The following PHF20L1 variants were observed in gnomAD, a reference collection of about 807,000 sequenced individuals.
PHF20L1 encodes PHD finger protein 20 like 1.
A neutral mutation model predicts 125.5 loss-of-function variants in PHF20L1; 44 were observed. The ratio of observed to expected loss-of-function variants is 0.35; its 90% CI spans 0.28 to 0.45. The LOEUF is 0.45. Ranked by LOEUF, PHF20L1 falls within the 20% of genes least tolerant of loss-of-function variation. The pLI, the probability that PHF20L1 is intolerant of heterozygous loss-of-function variation, is 1.00. For missense variants in PHF20L1, 1,012 were observed against 1,217.2 expected, an observed-to-expected ratio of 0.83 and a Z score of 2.51; for synonymous variants, 380 against 403.1, an observed-to-expected ratio of 0.94 and a Z score of 0.69.
chr8:132,795,827 TAATAA>T (rs1370270022), intron 4 of PHF20L1, among the ~76,000 whole-genome samples: 7 of 152,074 alleles, frequency 4.6e-5, no homozygotes, highest in Admixed American at 1.3e-4. Context: ...AAGTTAACAA[TAATAA>T]AATAGAATAA....
At chr8:132,821,087 G>A (rs190576932) in intron 12 of PHF20L1, among the ~76,000 whole-genome samples, 17 of 152,040 alleles carry the variant, frequency 1.1e-4, no homozygotes, top group Admixed American at 1.1e-3. Flanking sequence ...TGTAACGTCA[G>A]GATGTCCATG....
At chr8:132,817,913 G>C (rs1252530408) in intron 12 of PHF20L1, 1 of 159,932 alleles carries the variant, frequency 6.3e-6, no homozygotes, top group Non-Finnish European at 1.4e-5. Context: ...TTGGTTTAAG[G>C]ATTTTGATAG....
intron 2 of PHF20L1, among the ~76,000 whole-genome samples, chr8:132,792,501 A>T (rs1774418173): frequency 6.6e-6 from 1 of 152,184 alleles, no homozygotes; most frequent in Non-Finnish European, 1.5e-5. Flanking sequence ...TACTCCCCCC[A>T]AAAGACTAAG....
rs192780968 is a variant in PHF20L1, at chr8:132,843,498, T to C, written c.2748+623T>C. Reference sequence around the variant, plus strand: ...TAATTACCATAAATAAGTACTTAAGTGAATTGGAACGTTTGTATTTCGTAT... The same window carrying C: ...TAATTACCATAAATAAGTACTTAAGCGAATTGGAACGTTTGTATTTCGTAT... On this transcript the variant is annotated intron_variant, in intron 19 of 20. Coordinates refer to ENST00000395386, the MANE Select transcript of PHF20L1 (RefSeq NM_016018.5). 8.1e-6 allele frequency: 8 copies of C among 983,842 alleles called. No individual in the cohort carries two copies. In the Admixed American group the frequency reaches 4.3e-4, roughly 53 times the overall value. The allele number at this position is 983,842 out of a possible 1,614,324, so 60.9% of individuals were successfully genotyped here. A position where few individuals can be genotyped will look rare whatever the true frequency, so the allele number is the denominator to read the frequency against.
At chr8:132,794,670 GT>G (rs1469850770) in intron 3 of PHF20L1, 62 bp from the exon 4 acceptor site, 3 of 1,508,662 alleles carry the variant, frequency 2.0e-6, no homozygotes, top group Non-Finnish European at 2.7e-6. Context: ...ACAAAAGCCT[GT>G]TTTTGTTAAG....
At chr8:132,830,495 C>T (rs1587039202) in intron 14 of PHF20L1, among the ~76,000 whole-genome samples, 1 of 152,086 alleles carries the variant, frequency 6.6e-6, no homozygotes, top group African/African-American at 2.4e-5. Flanking sequence ...CAATGCGTCT[C>T]TTATAAGCTC....
intron 5 of PHF20L1, 59 bp from the exon 6 acceptor site, chr8:132,799,036 G>T: frequency 7.0e-7 from 1 of 1,433,014 alleles, no homozygotes; most frequent in Non-Finnish European, 9.7e-7. Context: ...TTATACATTT[G>T]ATTTTTGCTT....
At chr8:132,843,722 C>G (rs1838170149) in intron 19 of PHF20L1, 2 of 984,542 alleles carry the variant, frequency 2.0e-6, no homozygotes, top group African/African-American at 3.5e-5. Flanking sequence ...ACAGTAAAGT[C>G]CAGTCTGTAG....
chr8:132,836,745 T>G, intron 16 of PHF20L1, 24 bp downstream of exon 16: 8 of 1,552,244 alleles, frequency 5.2e-6, no homozygotes, highest in Non-Finnish European at 6.2e-6. Flanking sequence ...CTCTCTTCCC[T>G]ATAATGAGTT....
chr8:132,839,195 G>C, intron 17 of PHF20L1, 192 bp from the exon 18 acceptor site: 2 of 561,054 alleles, frequency 3.6e-6, no homozygotes, highest in Non-Finnish European at 6.4e-6. Flanking sequence ...CTTCTCCTGG[G>C]TGGGCAGGAA....
At chr8:132,807,829 TTAAA>T in intron 8 of PHF20L1, 1 of 451,556 alleles carries the variant, frequency 2.2e-6, no homozygotes, top group South Asian at 1.6e-5. Flanking sequence ...TTACCTAAGT[TTAAA>T]TAATTTCTTG....
chr8:132,784,293 C>A (rs915410708), intron 2 of PHF20L1, among the ~76,000 whole-genome samples: 8 of 151,860 alleles, frequency 5.3e-5, no homozygotes, highest in African/African-American at 1.9e-4. Context: ...TTTTGAAAAA[C>A]AAAAGTATTG....
At chr8:132,815,226 A>G (rs1834827662) in intron 10 of PHF20L1, 1 of 164,412 alleles carries the variant, frequency 6.1e-6, no homozygotes, top group African/African-American at 2.4e-5. Flanking sequence ...TTTTTACTTA[A>G]GACTATTCCT....
chr8:132,843,962 T>A, intron 19 of PHF20L1, 194 bp from the exon 20 acceptor site: 3 of 984,830 alleles, frequency 3.0e-6, no homozygotes, highest in Non-Finnish European at 3.6e-6. Context: ...TGGAGGGAGG[T>A]GGTGGGTGCA....
intron 14 of PHF20L1, among the ~76,000 whole-genome samples, chr8:132,828,157 A>C (rs564178321): frequency 7.2e-5 from 11 of 152,180 alleles, no homozygotes; most frequent in Non-Finnish European, 1.5e-4. Flanking sequence ...AGTTAGCACC[A>C]TGAGGGAGTT....
intron 1 of PHF20L1, among the ~76,000 whole-genome samples, chr8:132,777,218 T>C (rs1829908603): frequency 1.3e-5 from 2 of 152,230 alleles, no homozygotes; most frequent in South Asian, 4.1e-4. Flanking sequence ...TGGGAGATCA[T>C]GGGTAATGAA....
Position 132,836,523 on chromosome 8 carries a change from T to C in PHF20L1, c.1910-17T>C, listed in dbSNP as rs372593067. 2.0e-6 allele frequency: 3 copies of C among 1,529,106 alleles called. No homozygotes were observed. The highest frequency in any genetic ancestry group is 2.8e-5 in the African/African-American group (2 of 72,228). 94.7% of individuals were successfully genotyped at this position (1,529,106 alleles called of 1,614,324 possible). On this transcript the variant is annotated splice_polypyrimidine_tract_variant and intron_variant, in intron 15 of 20. Transcript: ENST00000395386. ...ATAGAAAAGTTGTTCTAAGTATACT[T>C]TTTGTATATATTCTAGACTTATCAG... is the stretch of plus-strand genomic sequence containing the variant.
At chr8:132,783,692 AT>A (rs1261142315) in intron 2 of PHF20L1, among the ~76,000 whole-genome samples, 2 of 152,090 alleles carry the variant, frequency 1.3e-5, no homozygotes, top group African/African-American at 4.8e-5. Flanking sequence ...ATAATTTGGG[AT>A]TCTTTCAGTT....
At position 132,801,608 on chromosome 8, in the gene PHF20L1, A is replaced by C. The variant is rs538550795; in HGVS notation, c.508-2211A>C. Among the ~76,000 whole-genome samples the C allele has an allele frequency of 7.2e-5, 11 of 151,862 alleles. No homozygotes were observed. In the East Asian group the frequency reaches 1.2e-3, roughly 16 times the overall value. On this transcript the variant is annotated intron_variant, in intron 6 of 20. Transcript: ENST00000395386. Reference sequence around the variant, plus strand: ...AGGAATAAATTCAGTGTTTGATAGCAGAGTAGAGTGACTATAGTTATTAAA... The same window carrying C: ...AGGAATAAATTCAGTGTTTGATAGCCGAGTAGAGTGACTATAGTTATTAAA...
Sources: gnomAD v4.1 joint callset for allele counts (sites outside exome capture counted in the v4.1 genomes callset) on GRCh38, gnomAD v4.1.1 for gene constraint, MANE v1.5 for transcripts, NCBI Gene and HGNC (gene_info 2026-07-23, HGNC 2026-07-21) for gene names.